The following CRPPA variants were observed in gnomAD, a reference collection of about 807,000 sequenced individuals.
CRPPA encodes CDP-L-ribitol pyrophosphorylase A.
Under a neutral mutation model 52.0 loss-of-function variants are expected in CRPPA, and 43 were observed. The observed-to-expected ratio is 0.83, with a 90% confidence interval of 0.65 to 1.07. The LOEUF (loss-of-function observed/expected upper bound fraction) is 1.07. Ranked by LOEUF, CRPPA falls within the 50% of genes least tolerant of loss-of-function variation. CRPPA has a pLI of 0.00. For synonymous variants in CRPPA, 250 were observed against 203.5 expected, an observed-to-expected ratio of 1.23 and a Z score of -1.94; for missense variants, 629 against 551.7, an observed-to-expected ratio of 1.14 and a Z score of -1.40.
intron 9 of CRPPA, among the ~76,000 whole-genome samples, chr7:16,125,243 G>T (rs538763185): frequency 2.6e-4 from 29 of 111,194 alleles, no homozygotes; most frequent in African/African-American, 9.7e-4. Flanking sequence ...CTGGGTGACA[G>T]ATGGAGACTG....
intron 9 of CRPPA, among the ~76,000 whole-genome samples, chr7:16,141,896 C>A (rs2128376045): frequency 6.6e-6 from 1 of 152,242 alleles, no homozygotes; most frequent in Non-Finnish European, 1.5e-5. Flanking sequence ...ACCCTACTAT[C>A]CCAGATCATT....
chr7:16,188,998 T>A (rs772420055), intron 9 of CRPPA, among the ~76,000 whole-genome samples: 21 of 152,114 alleles, frequency 1.4e-4, no homozygotes, highest in Non-Finnish European at 2.6e-4. Context: ...AAAAATAACT[T>A]AAATGCAGAT....
At chr7:16,221,303 A>G (rs575154540) in intron 8 of CRPPA, among the ~76,000 whole-genome samples, 4 of 152,306 alleles carry the variant, frequency 2.6e-5, no homozygotes, top group Middle Eastern at 3.4e-3. Flanking sequence ...TTCAAGATGG[A>G]TTAAAGACTT....
intron 9 of CRPPA, among the ~76,000 whole-genome samples, chr7:16,123,079 C>G (rs1527217): frequency 1 from 151,424 of 152,178 alleles, 75,340 homozygotes; most frequent in East Asian, 1. Context: ...GGCACAAAAG[C>G]CGATGCAAAG....
At chr7:16,222,301 G>T (rs1425246601) in intron 8 of CRPPA, among the ~76,000 whole-genome samples, 1 of 117,088 alleles carries the variant, frequency 8.5e-6, no homozygotes, top group Non-Finnish European at 1.7e-5. Flanking sequence ...TGTTGCGGTG[G>T]GGGGAGGGGG....
chr7:16,389,092 A>G lies in CRPPA; in HGVS notation c.535-12851T>C, dbSNP rs371605945. On this transcript the variant is annotated intron_variant, in intron 2 of 9. Transcript: ENST00000407010. Reference sequence around the variant, plus strand: ...TAACAGAAAGTCTGAATAGACCTATAAAAAGGGAATTGAATTAGTAATTTA... The same window carrying G: ...TAACAGAAAGTCTGAATAGACCTATGAAAAGGGAATTGAATTAGTAATTTA... Among the ~76,000 whole-genome samples the G allele has an allele frequency of 2.6e-5, 4 of 152,332 alleles. No individual in the cohort carries two copies. The East Asian group carries it at 5.8e-4, about 22-fold the overall frequency.
intron 9 of CRPPA, among the ~76,000 whole-genome samples, chr7:16,184,374 A>C (rs1221924510): frequency 3.3e-5 from 5 of 152,158 alleles, no homozygotes; most frequent in Non-Finnish European, 5.9e-5. Context: ...AAATACTCTC[A>C]TACTGCTTCT....
intron 9 of CRPPA, among the ~76,000 whole-genome samples, chr7:16,121,061 A>C (rs1461415300): frequency 6.6e-6 from 1 of 152,070 alleles, no homozygotes; most frequent in African/African-American, 2.4e-5. Flanking sequence ...GTCTTACAAA[A>C]TCACTAGGGA....
At chr7:16,152,051 A>C (rs1368001536) in intron 9 of CRPPA, among the ~76,000 whole-genome samples, 1 of 151,986 alleles carries the variant, frequency 6.6e-6, no homozygotes, top group African/African-American at 2.4e-5. Context: ...TCTATGTCCC[A>C]TTCCTCCATA....
At chr7:16,155,623 C>T (rs1783163713) in intron 9 of CRPPA, among the ~76,000 whole-genome samples, 1 of 152,204 alleles carries the variant, frequency 6.6e-6, no homozygotes, top group African/African-American at 2.4e-5. Flanking sequence ...TTCTTAATAA[C>T]ATTTTCTTTA....
intron 9 of CRPPA, among the ~76,000 whole-genome samples, chr7:16,212,805 C>T (rs1332285386): frequency 1.3e-5 from 2 of 152,094 alleles, no homozygotes; most frequent in East Asian, 1.9e-4. Context: ...ACTGCTTGTC[C>T]GAGGTGATAT....
intron 3 of CRPPA, among the ~76,000 whole-genome samples, chr7:16,342,286 T>C (rs1392900858): frequency 6.6e-6 from 1 of 152,042 alleles, no homozygotes; most frequent in Non-Finnish European, 1.5e-5. Flanking sequence ...CATTACCTAA[T>C]AAATCAAAAA....
chr7:16,224,207 G>A (rs916094569), intron 8 of CRPPA, among the ~76,000 whole-genome samples: 3 of 152,014 alleles, frequency 2.0e-5, no homozygotes, highest in African/African-American at 7.2e-5. Flanking sequence ...CTCTACGCAA[G>A]CTTTATGTTT....
intron 2 of CRPPA, among the ~76,000 whole-genome samples, chr7:16,403,786 G>C (rs1463617395): frequency 1.3e-5 from 2 of 152,138 alleles, no homozygotes; most frequent in African/African-American, 4.8e-5. Context: ...AAAGGTTACA[G>C]GATGTCTGCA....
intron 9 of CRPPA, among the ~76,000 whole-genome samples, chr7:16,137,119 G>A (rs551451354): frequency 6.6e-6 from 1 of 152,348 alleles, no homozygotes; most frequent in Non-Finnish European, 1.5e-5. Flanking sequence ...AGCCCCCAGA[G>A]GCAGGACCTT....
At chr7:16,386,590 T>C (rs979031516) in intron 2 of CRPPA, among the ~76,000 whole-genome samples, 22 of 152,254 alleles carry the variant, frequency 1.4e-4, no homozygotes, top group African/African-American at 5.3e-4. Context: ...GTATATTTGA[T>C]GAAAACAGCA....
At chr7:16,149,935 G>A (rs561614069) in intron 9 of CRPPA, among the ~76,000 whole-genome samples, 1 of 151,136 alleles carries the variant, frequency 6.6e-6, no homozygotes, top group East Asian at 1.9e-4. Flanking sequence ...GCAGTGAGCC[G>A]AGATCGCACC....
chr7:16,412,422 G>A (rs776038828), intron 1 of CRPPA, among the ~76,000 whole-genome samples: 2 of 152,086 alleles, frequency 1.3e-5, no homozygotes, highest in Non-Finnish European at 2.9e-5. Flanking sequence ...AGGCAAAAAC[G>A]TAATTCTTGT....
At chr7:16,140,379 G>C (rs1344692427) in intron 9 of CRPPA, among the ~76,000 whole-genome samples, 1 of 151,844 alleles carries the variant, frequency 6.6e-6, no homozygotes, top group Non-Finnish European at 1.5e-5. Flanking sequence ...TGCCCAGGCT[G>C]GTCTCAAACT....
Sources: gnomAD v4.1 joint callset for allele counts (sites outside exome capture counted in the v4.1 genomes callset) on GRCh38, gnomAD v4.1.1 for gene constraint, MANE v1.5 for transcripts, NCBI Gene and HGNC (gene_info 2026-07-23, HGNC 2026-07-21) for gene names.